Variants in ETNK2 observed in about 807,000 individuals in gnomAD.
ETNK2 encodes ethanolamine kinase 2, also known as ethanolamine kinase-like protein.
In ETNK2, 33 loss-of-function variants were observed where a neutral mutation model predicts 46.2. The ratio of observed to expected loss-of-function variants is 0.71; its 90% CI spans 0.54 to 0.96. The LOEUF (loss-of-function observed/expected upper bound fraction) is 0.96, where lower values mean the gene tolerates loss of function less well. Among genes scored for constraint, ETNK2 ranks in the 40% least tolerant of loss-of-function variants. The pLI is 0.00. For missense variants in ETNK2, 445 were observed against 509.7 expected (o/e 0.87, Z 1.22); for synonymous variants, 194 against 209.0 (o/e 0.93, Z 0.62).
chr1:204,137,011 G>T, intron 6 of ETNK2, 93 bp downstream of exon 6: 2 of 1,529,828 alleles, frequency 1.3e-6, no homozygotes, highest in African/African-American at 1.4e-5. Context: ...GCTCTCACCT[G>T]ACCCTGGGCT....
Position 204,149,925 on chromosome 1 carries a change from C to G in ETNK2, c.296G>C (p.Cys99Ser). Reference sequence around the variant, plus strand: ...GTCCTGCATGTCCTCCTCCACATAGCAGGCCACCAGCTTGTTGGTGATGCC... The same window carrying G: ...GTCCTGCATGTCCTCCTCCACATAGGAGGCCACCAGCTTGTTGGTGATGCC... Reference protein sequence around the residue: ...TDGITNKLVACYVEEDMQDCV... With the variant: ...TDGITNKLVASYVEEDMQDCV... The change falls in exon 2 of 8, where the codon TGC (cysteine) becomes TCC (serine). Residue 99 changes from cysteine (C) to serine (S), a missense_variant. Physicochemically the swap from Cys to Ser is moderately radical, Grantham distance 112 (BLOSUM62 -1). Coordinates refer to ENST00000367202, the MANE Select transcript of ETNK2 (RefSeq NM_018208.4). The G allele has an allele frequency of 6.5e-7, 1 of 1,541,310 alleles. No individual in the cohort carries two copies. The highest frequency in any genetic ancestry group is 8.7e-7 in the Non-Finnish European group (1 of 1,142,936).
Position 204,151,254 on chromosome 1 carries a change from T to TA in ETNK2, c.258+340_258+341insT. On this transcript the variant is annotated intron_variant, in intron 1 of 7. Transcript: ENST00000367202. This position sits in a 1 kb window ranked among gnomAD's most constrained non-coding sequence, Gnocchi z 8.0. The stretch of plus-strand genomic sequence containing the variant: ...TTAAAAGTTCCCGCCTCCTCAGGTT[T>TA]CAGAGCTGGCTGGGTACGCGCTTCT... 1 of 437,012 alleles carries TA rather than the reference T, an allele frequency of 2.3e-6. No homozygotes were observed. Among genetic ancestry groups the TA allele is most frequent in the Non-Finnish European group, 4.1e-6 (1 of 245,100 alleles). The allele number at this position is 437,012 out of a possible 1,614,324, so 27.1% of individuals were successfully genotyped here.
rs143973343 is a variant in ETNK2 at position 204,144,553 on chromosome 1, C to CTA, written c.641+2087_641+2088dup. On this transcript the variant is annotated intron_variant, in intron 3 of 7. Coordinates refer to ENST00000367202, the MANE Select transcript of ETNK2 (RefSeq NM_018208.4). ...CCCCACCAATCTGTCCCTTATGATG[C>CTA]TAGAGGACTTTCTTCCTAAAGCCCA... 5.8e-3 allele frequency among the ~76,000 whole-genome samples: 878 copies of CTA among 152,184 alleles called. 2 individuals carry two copies. Among genetic ancestry groups the CTA allele is most frequent in the African/African-American group, 0.02 (841 of 41,506 alleles).
intron 3 of ETNK2, among the ~76,000 whole-genome samples, chr1:204,144,369 A>AAAAAAAAAAAAAAAAAC (rs1657696442): frequency 7.2e-6 from 1 of 139,030 alleles, no homozygotes; most frequent in Non-Finnish European, 1.6e-5. Context: ...AAAAAAAAAA[A>AAAAAAAAAAAAAAAAAC]GCCATTTCCT....
chr1:204,141,927 C>T (rs1231033767), intron 3 of ETNK2: 2 of 160,202 alleles, frequency 1.2e-5, no homozygotes, highest in Admixed American at 1.2e-4. Context: ...CTCCCTAAGT[C>T]GAGCTGACTC....
chr1:204,150,782 G>A (rs1657971569), intron 1 of ETNK2, among the ~76,000 whole-genome samples: 1 of 152,140 alleles, frequency 6.6e-6, no homozygotes, highest in Admixed American at 6.5e-5. Context: ...TCCATCCCCA[G>A]GGCGGGTTCT....
At chr1:204,150,334 G>A (rs928124669) in intron 1 of ETNK2, among the ~76,000 whole-genome samples, 2 of 152,290 alleles carry the variant, frequency 1.3e-5, no homozygotes, top group Admixed American at 1.3e-4. Context: ...AATGTGGCAG[G>A]GGAGGGCTGG....
intron 3 of ETNK2, among the ~76,000 whole-genome samples, chr1:204,145,820 C>G (rs1460051854): frequency 6.6e-6 from 1 of 152,204 alleles, no homozygotes; most frequent in Non-Finnish European, 1.5e-5. Flanking sequence ...AGGAATGAGA[C>G]TCACTATTGC....
intron 3 of ETNK2, among the ~76,000 whole-genome samples, chr1:204,143,822 C>G (rs1462834814): frequency 6.6e-6 from 1 of 152,170 alleles, no homozygotes; most frequent in African/African-American, 2.4e-5. Flanking sequence ...ACCAGTATCT[C>G]CTTGTGATGG....
chr1:204,139,990 G>A, intron 5 of ETNK2, 45 bp downstream of exon 5: 2 of 1,540,644 alleles, frequency 1.3e-6, no homozygotes, highest in South Asian at 2.2e-5. Context: ...GTCATTGACT[G>A]AAACACCGCT....
chr1:204,132,310 T>G, intron 7 of ETNK2, 54 bp from the exon 8 acceptor site: 2 of 1,387,356 alleles, frequency 1.4e-6, no homozygotes, highest in South Asian at 1.2e-5. Flanking sequence ...AGGTGGGCCC[T>G]GCTGGGGGTG....
At chr1:204,147,591 T>A in intron 2 of ETNK2, 1 of 525,646 alleles carries the variant, frequency 1.9e-6, no homozygotes, top group Non-Finnish European at 3.9e-6. Context: ...GACTCCAACA[T>A]TCAGCTTCCT....
In ETNK2 at chr1:204,149,922, T is replaced by C. The variant is rs768128714; in HGVS notation, c.299A>G (p.Tyr100Cys). The change falls in exon 2 of 8, where the codon TAT becomes TGT. Residue 100 changes from tyrosine (Y) to cysteine (C), a missense_variant. Coordinates refer to ENST00000367202, the MANE Select transcript of ETNK2 (RefSeq NM_018208.4). Reference sequence around the variant, plus strand: ...GCAGTCCTGCATGTCCTCCTCCACATAGCAGGCCACCAGCTTGTTGGTGAT... The same window carrying C: ...GCAGTCCTGCATGTCCTCCTCCACACAGCAGGCCACCAGCTTGTTGGTGAT... The part of the protein sequence containing the change: ...DGITNKLVAC[Y>C]VEEDMQDCVL... The C allele has an allele frequency of 2.7e-6, 4 of 1,455,286 alleles. No homozygotes were observed. The highest frequency in any genetic ancestry group is 3.7e-6 in the Non-Finnish European group (4 of 1,091,996). The allele number at this position is 1,455,286 out of a possible 1,614,324, so 90.1% of individuals were successfully genotyped here. A position where few individuals can be genotyped will look rare whatever the true frequency, so the allele number is the denominator to read the frequency against.
chr1:204,145,822 C>T (rs1262539012), intron 3 of ETNK2, among the ~76,000 whole-genome samples: 1 of 152,206 alleles, frequency 6.6e-6, no homozygotes, highest in Non-Finnish European at 1.5e-5. Flanking sequence ...GAATGAGACT[C>T]ACTATTGCCT....
In ETNK2 at chr1:204,132,236, T is replaced by A; in HGVS notation, c.1109A>T (p.Asn370Ile). 1 of 1,571,256 alleles carries A rather than the reference T, an allele frequency of 6.4e-7. No individual in the cohort carries two copies. The highest frequency in any genetic ancestry group is 1.2e-5 in the South Asian group (1 of 85,200). The change falls in exon 8 of 8, where the codon AAC becomes ATC. Residue 370 changes from asparagine (N) to isoleucine (I), a missense_variant. Physicochemically the swap from Asn to Ile is moderately radical, Grantham distance 149. Transcript: ENST00000367202. ...TTGAGGCTTCACCTTGAAGTACTGG[T>A]TGAATCGGATCACTGCGTACCTGTG... ...DFLRYAVIRFNQYFKVKPQAS... is the reference protein window; with the variant it reads ...DFLRYAVIRFIQYFKVKPQAS...
chr1:204,147,552 C>T (rs373231849), intron 2 of ETNK2: 50 of 533,228 alleles, frequency 9.4e-5, no homozygotes, highest in African/African-American at 1.7e-4. Context: ...TCTTCCCTTC[C>T]GCTGTCCCAC....
intron 3 of ETNK2, among the ~76,000 whole-genome samples, chr1:204,145,637 G>A (rs1657751972): frequency 1.3e-5 from 2 of 152,244 alleles, no homozygotes; most frequent in South Asian, 2.1e-4. Context: ...GGATGATGCA[G>A]ATAAAGTCAT....
chr1:204,132,145 T>C lies in ETNK2; in HGVS notation c.*39A>G. The C allele has an allele frequency of 6.6e-7, 1 of 1,510,814 alleles. No homozygotes were observed. The highest frequency in any genetic ancestry group is 9.0e-7 in the Non-Finnish European group (1 of 1,108,964). 93.6% of individuals were successfully genotyped at this position (1,510,814 alleles called of 1,614,324 possible). On this transcript the variant is annotated 3_prime_UTR_variant, in exon 8 of 8. Transcript: ENST00000367202. ...AGAATTGAGCTCTGGAGAACAGGTC[T>C]GGCCAGACAGATGGGTAGGGGAGGG...
chr1:204,140,223 G>A (rs1657449704), intron 4 of ETNK2, 105 bp from the exon 5 acceptor site: 2 of 848,468 alleles, frequency 2.4e-6, no homozygotes, highest in African/African-American at 3.3e-5. Context: ...AGTGATGCCG[G>A]CCTCTGCAGC....
Sources: allele counts gnomAD v4.1 joint callset (sites outside exome capture counted in the v4.1 genomes callset), GRCh38; gene constraint gnomAD v4.1.1; non-coding constraint Gnocchi (gnomAD v3.1); transcripts MANE v1.5; gene names NCBI Gene and HGNC (gene_info 2026-07-23, HGNC 2026-07-21).